The following ADGRL4 variants were observed in gnomAD, a reference collection of about 807,000 sequenced individuals.
The protein encoded by ADGRL4 is EGF, latrophilin and seven transmembrane domain containing 1.
ADGRL4 carries 90 observed loss-of-function variants against 74.8 expected under a neutral mutation model. The observed-to-expected ratio is 1.20, with a 90% confidence interval of 1.02 to 1.43. The LOEUF (loss-of-function observed/expected upper bound fraction) is 1.43, where lower values mean the gene tolerates loss of function less well. Ranked by LOEUF, ADGRL4 falls within the 40% of genes most tolerant of loss-of-function variation. The pLI is 0.00. For missense variants in ADGRL4, 881 were observed against 814.3 expected, an observed-to-expected ratio of 1.08 and a Z score of -1.00; for synonymous variants, 311 against 279.2, an observed-to-expected ratio of 1.11 and a Z score of -1.14.
intron 2 of ADGRL4, among the ~76,000 whole-genome samples, chr1:78,960,993 T>C (rs1182781639): frequency 2.0e-5 from 3 of 152,238 alleles, no homozygotes; most frequent in Admixed American, 6.5e-5. Flanking sequence ...CACCCATATT[T>C]ATTCATAAAT....
chr1:79,004,961 A>C lies in ADGRL4; in HGVS notation c.172+109T>G, dbSNP rs528487851. On this transcript the variant is annotated intron_variant, in intron 2 of 14. Transcript: ENST00000370742. ...CTTACGCGTTTTTTAAATAGTATGA[A>C]ATTAAACAGTATAACACAAAACAAG... 1.9e-4 allele frequency: 186 copies of C among 981,038 alleles called. No homozygotes were observed. The African/African-American group carries it at 2.9e-3, about 15-fold the overall frequency. 60.8% of individuals were successfully genotyped at this position (981,038 alleles called of 1,614,324 possible). A position where few individuals can be genotyped will look rare whatever the true frequency, so the allele number is the denominator to read the frequency against.
chr1:78,891,611 T>C lies in ADGRL4; in HGVS notation c.1923A>G (p.Ala641=), dbSNP rs377198728. The C allele has an allele frequency of 7.4e-6, 12 of 1,613,378 alleles. No homozygotes were observed. In the Admixed American group the frequency reaches 1.0e-4, roughly 13 times the overall value. Residue 641 remains alanine (A), a synonymous_variant, in exon 14 of 15, where the codon GCA becomes GCG. Transcript: ENST00000370742. ...TGAAGAGGTAAGCTGTAACCACTGA[T>C]GCGTGCACAACATGGAGAACCCCAA... is the stretch of plus-strand genomic sequence containing the variant. ...WIFGVLHVVH[A]SVVTAYLFTV... is the part of the protein sequence containing the mutation.
chr1:78,914,631 A>G (rs1045994808), intron 12 of ADGRL4, among the ~76,000 whole-genome samples: 3 of 116,764 alleles, frequency 2.6e-5, no homozygotes, highest in Non-Finnish European at 3.8e-5. Context: ...TTTTGGTGAC[A>G]TAAAAGTTAC....
At chr1:78,960,452 G>T (rs976806458) in intron 2 of ADGRL4, among the ~76,000 whole-genome samples, 6 of 151,932 alleles carry the variant, frequency 3.9e-5, no homozygotes, top group African/African-American at 1.5e-4. Context: ...AATAATTATA[G>T]CCCCGACACT....
At chr1:78,950,682 C>A (rs1274987154) in intron 2 of ADGRL4, among the ~76,000 whole-genome samples, 1 of 152,034 alleles carries the variant, frequency 6.6e-6, no homozygotes, top group African/African-American at 2.4e-5. Flanking sequence ...ATTTTTATAT[C>A]ATATTTTGCT....
At chr1:78,982,320 T>C (rs1386663459) in intron 2 of ADGRL4, among the ~76,000 whole-genome samples, 1 of 151,856 alleles carries the variant, frequency 6.6e-6, no homozygotes, top group African/African-American at 2.4e-5. Flanking sequence ...TGGGGAGAGC[T>C]GGAAACCAAA....
At chr1:78,919,512 T>C (rs1366029983) in intron 10 of ADGRL4, among the ~76,000 whole-genome samples, 1 of 151,954 alleles carries the variant, frequency 6.6e-6, no homozygotes, top group African/African-American at 2.4e-5. Context: ...TCCTTAGAAC[T>C]GCATTACTGT....
intron 2 of ADGRL4, among the ~76,000 whole-genome samples, chr1:78,985,417 A>G (rs1650473235): frequency 6.6e-6 from 1 of 151,846 alleles, no homozygotes; most frequent in African/African-American, 2.4e-5. Flanking sequence ...ACTTTTATCA[A>G]AACAAAATAT....
At chr1:78,999,123 G>T (rs923720811) in intron 2 of ADGRL4, among the ~76,000 whole-genome samples, 1 of 152,138 alleles carries the variant, frequency 6.6e-6, no homozygotes, top group African/African-American at 2.4e-5. Context: ...AAAATAACCA[G>T]GAGTTTACTA....
intron 2 of ADGRL4, among the ~76,000 whole-genome samples, chr1:78,994,284 TAC>T (rs1650671410): frequency 6.6e-6 from 1 of 152,202 alleles, no homozygotes; most frequent in Non-Finnish European, 1.5e-5. Context: ...GAGATGGGAT[TAC>T]ATCTGAAGTA....
intron 8 of ADGRL4, among the ~76,000 whole-genome samples, 159 bp from the exon 9 acceptor site, chr1:78,921,945 T>C (rs532792267): frequency 6.6e-6 from 1 of 152,148 alleles, no homozygotes; most frequent in African/African-American, 2.4e-5. Context: ...AGAATGGAAA[T>C]TTATATTGCA....
At chr1:78,967,246 T>C (rs117758896) in intron 2 of ADGRL4, among the ~76,000 whole-genome samples, 1 of 152,308 alleles carries the variant, frequency 6.6e-6, no homozygotes, top group East Asian at 1.9e-4. Flanking sequence ...TGCTAAATGT[T>C]TTGAGGCTAT....
At chr1:78,896,188 T>C (rs556045176) in intron 12 of ADGRL4, among the ~76,000 whole-genome samples, 1 of 152,260 alleles carries the variant, frequency 6.6e-6, no homozygotes, top group South Asian at 2.1e-4. Context: ...TCTTAGCTCC[T>C]CAAGCCTTGA....
intron 2 of ADGRL4, among the ~76,000 whole-genome samples, chr1:78,966,798 G>C (rs764407650): frequency 6.6e-6 from 1 of 151,518 alleles, no homozygotes; most frequent in Non-Finnish European, 1.5e-5. Context: ...CTTCTCCCAG[G>C]CATTCTTTTT....
chr1:78,917,313 G>A (rs1648894993), intron 12 of ADGRL4, among the ~76,000 whole-genome samples: 2 of 151,604 alleles, frequency 1.3e-5, no homozygotes, highest in South Asian at 4.1e-4. Flanking sequence ...ATGTTATGCA[G>A]ACATCTATAC....
chr1:78,990,948 A>G (rs1032410194), intron 2 of ADGRL4, among the ~76,000 whole-genome samples: 6 of 152,018 alleles, frequency 3.9e-5, no homozygotes, highest in African/African-American at 1.4e-4. Context: ...TCAAAATATC[A>G]ATAATTTGCC....
chr1:78,936,554 T>C, intron 6 of ADGRL4, 143 bp from the exon 7 acceptor site: 1 of 775,638 alleles, frequency 1.3e-6, no homozygotes, highest in Non-Finnish European at 1.9e-6. Context: ...TCTTAATGTG[T>C]TTGGACAATG....
chr1:78,993,866 C>A (rs1282802360), intron 2 of ADGRL4, among the ~76,000 whole-genome samples: 3 of 152,150 alleles, frequency 2.0e-5, no homozygotes, highest in Non-Finnish European at 4.4e-5. Context: ...AGACACCGCA[C>A]CCGGCCAAAA....
chr1:78,974,013 CTGCATGTG>C (rs1650228234), intron 2 of ADGRL4, among the ~76,000 whole-genome samples: 1 of 152,064 alleles, frequency 6.6e-6, no homozygotes, highest in Admixed American at 6.6e-5. Context: ...ATTCAATACA[CTGCATGTG>C]TGCAAGAGCA....
Sources: gnomAD v4.1 joint callset for allele counts (sites outside exome capture counted in the v4.1 genomes callset) on GRCh38, gnomAD v4.1.1 for gene constraint, MANE v1.5 for transcripts, NCBI Gene and HGNC (gene_info 2026-07-23, HGNC 2026-07-21) for gene names.